Variants in ARL5C observed in about 807,000 individuals in gnomAD.
ARL5C encodes putative ADP-ribosylation factor-like protein 5C.
A neutral mutation model predicts 20.8 loss-of-function variants in ARL5C; 21 were observed. The ratio of observed to expected loss-of-function variants is 1.01; its 90% CI spans 0.72 to 1.46. The LOEUF is 1.46. Among genes scored for constraint, ARL5C ranks in the 40% most tolerant of loss-of-function variants. ARL5C has a pLI of 0.00. For missense variants in ARL5C, 199 were observed against 225.1 expected, an observed-to-expected ratio of 0.88 and a Z score of 0.74; for synonymous variants, 71 against 81.6, an observed-to-expected ratio of 0.87 and a Z score of 0.70.
At chr17:39,161,195 G>C in intron 4 of ARL5C, 73 bp downstream of exon 4, 3 of 1,391,084 alleles carry the variant, frequency 2.2e-6, no homozygotes, top group Admixed American at 3.9e-5. Flanking sequence ...ACGAATCTCA[G>C]AGAAGCTAAG....
rs1206527066 is a variant in ARL5C at position 39,160,627 on chromosome 17, C to T, written c.455G>A (p.Trp152Ter). Residue 152 changes from tryptophan (W) to a stop codon, truncating the protein, a stop_gained, in exon 5 of 6, where the codon TGG (tryptophan) becomes TAG (stop). Transcript: ENST00000269586. LOFTEE classifies it high-confidence loss of function. ...LTLSTIKDHS[W>*]HIQGCCALTR... ...GAGGGCACAGCAGCCTTGTATATGC[C>T]ACGAGTGGTCTTTGATGGTGCTGAG... 1 of 1,551,878 alleles carries T rather than the reference C, an allele frequency of 6.4e-7. No individual in the cohort carries two copies. The highest frequency in any genetic ancestry group is 2.0e-5 in the Admixed American group (1 of 50,998).
chr17:39,162,749 G>A lies in ARL5C; in HGVS notation c.217C>T (p.Leu73=). 3 of 1,551,696 alleles carry A rather than the reference G, an allele frequency of 1.9e-6. 1 individual carries two copies. In the Middle Eastern group the frequency reaches 5.0e-4, roughly 259 times the overall value. The change falls in exon 3 of 6, where the codon CTG becomes TTG. Residue 73 remains leucine, a synonymous_variant. Coordinates refer to ENST00000269586, the MANE Select transcript of ARL5C (RefSeq NM_001143968.1). ...TAGTATGTGTTCCAGATAAAGCTCA[G>A]AGCCTCAGGTCTCACTATGTCCCAC... is the stretch of plus-strand genomic sequence containing the variant. ...FMWDIVRPEA[L]SFIWNTYYSN...
intron 5 of ARL5C, among the ~76,000 whole-genome samples, chr17:39,157,990 C>T (rs559517631): frequency 4.0e-5 from 6 of 149,692 alleles, no homozygotes; most frequent in Admixed American, 1.3e-4. Context: ...CCCGGCTACT[C>T]GGGAGGCTGA....
intron 5 of ARL5C, among the ~76,000 whole-genome samples, chr17:39,157,918 A>G (rs918236341): frequency 3.9e-4 from 58 of 149,808 alleles, no homozygotes; most frequent in African/African-American, 1.4e-3. Flanking sequence ...ACCATGAAAC[A>G]CCGTCTCTAC....
At chr17:39,159,181 G>T (rs2045422076) in intron 5 of ARL5C, among the ~76,000 whole-genome samples, 1 of 141,840 alleles carries the variant, frequency 7.1e-6, no homozygotes, top group Admixed American at 7.1e-5. Flanking sequence ...ACAGGTGTGT[G>T]CCACCACATC....
intron 5 of ARL5C, among the ~76,000 whole-genome samples, chr17:39,157,376 C>T (rs900366336): frequency 1.3e-5 from 2 of 152,184 alleles, no homozygotes; most frequent in Admixed American, 1.3e-4. Context: ...AAGAGGTTCC[C>T]TACGCAAGTT....
chr17:39,161,379 A>C lies in ARL5C; in HGVS notation c.256-28T>G. Reference sequence around the variant, plus strand: ...GGGCAGCAGAGGGGAGCCGTGAGAGACAGGCTTTCTCTTTGGTAAATGTGT... The same window carrying C: ...GGGCAGCAGAGGGGAGCCGTGAGAGCCAGGCTTTCTCTTTGGTAAATGTGT... On this transcript the variant is annotated intron_variant, in intron 3 of 5. Transcript: ENST00000269586. 3 of 1,546,608 alleles carry C rather than the reference A, an allele frequency of 1.9e-6. No homozygotes were observed. In the South Asian group the frequency reaches 3.6e-5, roughly 18 times the overall value.
At chr17:39,165,323 C>G in intron 1 of ARL5C, 184 bp from the exon 2 acceptor site, 3 of 626,460 alleles carry the variant, frequency 4.8e-6, no homozygotes, top group South Asian at 3.9e-5. Context: ...GTGGAAAAGA[C>G]AGCTGAGCCC....
intron 5 of ARL5C, chr17:39,160,357 A>C: frequency 2.1e-6 from 1 of 478,556 alleles, no homozygotes; most frequent in Non-Finnish European, 3.7e-6. Flanking sequence ...AGATTATTGC[A>C]TTTAGGCGGA....
chr17:39,159,651 G>A (rs943168229), intron 5 of ARL5C, among the ~76,000 whole-genome samples: 6 of 152,064 alleles, frequency 3.9e-5, no homozygotes, highest in African/African-American at 7.2e-5. Flanking sequence ...CTCCCCTACC[G>A]GAAAGTAAGC....
chr17:39,166,005 G>T lies in ARL5C; in HGVS notation c.-245C>A, dbSNP rs2045461913. The T allele has an allele frequency of 1.8e-6, 1 of 548,890 alleles. No individual in the cohort carries two copies. The highest frequency in any genetic ancestry group is 3.3e-6 in the Non-Finnish European group (1 of 306,318). The allele number at this position is 548,890 out of a possible 1,614,324, so 34.0% of individuals were successfully genotyped here. On this transcript the variant is annotated 5_prime_UTR_variant, in exon 1 of 6. Transcript: ENST00000269586. ...GGCCCAAGAGGTGCAAGGAATATGG[G>T]GGTTCCAGGCTCCAGCCCTCCCCCT...
Position 39,165,850 on chromosome 17 carries a change from G to A in ARL5C, c.-90C>T. ...TATTCGGAGCTCCGCTCCCCCGGGA[G>A]GGTCTGGCAGATTTTGCCTACGAAG... On this transcript the variant is annotated 5_prime_UTR_variant, in exon 1 of 6. Coordinates refer to ENST00000269586, the MANE Select transcript of ARL5C (RefSeq NM_001143968.1). 6.8e-7 allele frequency: 1 copy of A among 1,473,364 alleles called. No homozygotes were observed. The highest frequency in any genetic ancestry group is 9.2e-7 in the Non-Finnish European group (1 of 1,081,704). 91.3% of individuals were successfully genotyped at this position (1,473,364 alleles called of 1,614,324 possible). A position where few individuals can be genotyped will look rare whatever the true frequency, so the allele number is the denominator to read the frequency against.
intron 3 of ARL5C, 122 bp downstream of exon 3, chr17:39,162,589 C>G: frequency 7.8e-7 from 1 of 1,274,066 alleles, no homozygotes. Context: ...GTGTGAGCCA[C>G]AGGAACCGAC....
rs991779598 is a variant in ARL5C, at chr17:39,158,754, T to C, written c.492-1812A>G. ...TCCTTAAAATCCTCCAGGTGATTACTCAATATCTACCTGCTTAGTGTCCCT... is the reference window on the plus strand; with the variant it reads ...TCCTTAAAATCCTCCAGGTGATTACCCAATATCTACCTGCTTAGTGTCCCT... On this transcript the variant is annotated intron_variant, in intron 5 of 5. Transcript: ENST00000269586. Among the ~76,000 whole-genome samples, 3 of 152,142 alleles carry C rather than the reference T, an allele frequency of 2.0e-5. No homozygotes were observed. In the South Asian group the frequency reaches 6.2e-4, roughly 31 times the overall value.
rs2045457672 is a variant in ARL5C at position 39,165,354 on chromosome 17, GAA to G, written c.47-217_47-216del. On this transcript the variant is annotated intron_variant, in intron 1 of 5. Coordinates refer to ENST00000269586, the MANE Select transcript of ARL5C (RefSeq NM_001143968.1). ...AGCCCCCACCTCCCTTCACATTCCA[GAA>G]AAGTGTCTGAAAGGCCCGGGGCGCT... 1.7e-5 allele frequency: 10 copies of G among 602,256 alleles called. No individual in the cohort carries two copies. In the South Asian group the frequency reaches 1.8e-4, roughly 11 times the overall value. The allele number at this position is 602,256 out of a possible 1,614,324, so 37.3% of individuals were successfully genotyped here.
chr17:39,159,020 T>TTG (rs1362422601), intron 5 of ARL5C, among the ~76,000 whole-genome samples: 3 of 104,814 alleles, frequency 2.9e-5, no homozygotes, highest in African/African-American at 1.4e-4. Flanking sequence ...CATTTATCAC[T>TTG]TGTTTTTTTT....
intron 5 of ARL5C, among the ~76,000 whole-genome samples, chr17:39,159,196 G>A (rs1358922253): frequency 6.8e-5 from 9 of 132,368 alleles, no homozygotes; most frequent in African/African-American, 2.8e-4. Context: ...CACATCCAGC[G>A]GTTTTTTTTT....
chr17:39,158,099 G>C (rs2045415438), intron 5 of ARL5C, among the ~76,000 whole-genome samples: 1 of 128,286 alleles, frequency 7.8e-6, no homozygotes, highest in Non-Finnish European at 1.6e-5. Context: ...GGCCGTCGAA[G>C]AAAGGGAAGG....
At chr17:39,162,914 C>A in intron 2 of ARL5C, 56 bp from the exon 3 acceptor site, 1 of 1,528,442 alleles carries the variant, frequency 6.5e-7, no homozygotes, top group Admixed American at 2.0e-5. Context: ...CCAACTCTGG[C>A]CCCCAAATGC....
Sources: gnomAD v4.1 joint callset for allele counts (sites outside exome capture counted in the v4.1 genomes callset) on GRCh38, gnomAD v4.1.1 for gene constraint, MANE v1.5 for transcripts, NCBI Gene and HGNC (gene_info 2026-07-23, HGNC 2026-07-21) for gene names.